The following FAF1 variants were observed in gnomAD, a reference collection of about 807,000 sequenced individuals.
The protein encoded by FAF1 is Fas associated factor 1, also known as FAS-associated factor 1.
A neutral mutation model predicts 92.5 loss-of-function variants in FAF1; 25 were observed. The observed-to-expected ratio is 0.27, with a 90% confidence interval of 0.20 to 0.38. The LOEUF (loss-of-function observed/expected upper bound fraction) is 0.38, where lower values mean the gene tolerates loss of function less well. FAF1 is among the 10% of genes least tolerant of loss of function. FAF1 has a pLI of 1.00. For missense variants in FAF1, 636 were observed against 793.3 expected, an observed-to-expected ratio of 0.80 and a Z score of 2.38; for synonymous variants, 234 against 273.2, an observed-to-expected ratio of 0.86 and a Z score of 1.42.
intron 15 of FAF1, among the ~76,000 whole-genome samples, chr1:50,503,606 C>A (rs1647018544): frequency 6.7e-6 from 1 of 150,066 alleles, no homozygotes; most frequent in Non-Finnish European, 1.5e-5. Context: ...CAGAGTGATT[C>A]CCTGTCTCTT....
intron 13 of FAF1, among the ~76,000 whole-genome samples, chr1:50,566,334 A>C (rs1281212554): frequency 2.0e-5 from 3 of 152,080 alleles, no homozygotes; most frequent in Non-Finnish European, 2.9e-5. Context: ...GAATTAATTT[A>C]ATCTCCCTGT....
At chr1:50,762,633 C>A (rs1660374558) in intron 4 of FAF1, among the ~76,000 whole-genome samples, 1 of 152,148 alleles carries the variant, frequency 6.6e-6, no homozygotes, top group Non-Finnish European at 1.5e-5. Context: ...AACTGGCTAG[C>A]CATATGTAGA....
chr1:50,940,258 A>T (rs1570165500), intron 1 of FAF1, among the ~76,000 whole-genome samples: 4 of 152,064 alleles, frequency 2.6e-5, no homozygotes, highest in Non-Finnish European at 5.9e-5. Context: ...TACCAGATTT[A>T]AAAAAAAGTT....
intron 7 of FAF1, among the ~76,000 whole-genome samples, chr1:50,671,086 T>C (rs187924518): frequency 6.6e-5 from 10 of 152,222 alleles, no homozygotes; most frequent in Admixed American, 5.9e-4. Context: ...AATCATCAAA[T>C]AGTCTAAACA....
At chr1:50,524,077 T>C (rs1647657761) in intron 15 of FAF1, among the ~76,000 whole-genome samples, 1 of 152,152 alleles carries the variant, frequency 6.6e-6, no homozygotes, top group Non-Finnish European at 1.5e-5. Flanking sequence ...GACTTTTTAA[T>C]AATAGCCCTT....
At chr1:50,952,949 G>C (rs542361030) in intron 1 of FAF1, among the ~76,000 whole-genome samples, 7 of 152,342 alleles carry the variant, frequency 4.6e-5, no homozygotes, top group African/African-American at 1.4e-4. Context: ...TTGTCGAATA[G>C]AAAAGGGGGA....
chr1:50,729,051 TATA>T (rs1487179447), intron 6 of FAF1, among the ~76,000 whole-genome samples: 14 of 97,870 alleles, frequency 1.4e-4, no homozygotes, highest in African/African-American at 5.5e-4. Context: ...TATATATATA[TATA>T]TATATTTTTT....
chr1:50,945,092 C>G (rs1299515033), intron 1 of FAF1, among the ~76,000 whole-genome samples: 1 of 152,272 alleles, frequency 6.6e-6, no homozygotes, highest in African/African-American at 2.4e-5. Flanking sequence ...TATCCACATA[C>G]CAGATGCCTA....
chr1:50,639,933 C>CAAAAAAAAAA (rs1197342810), intron 8 of FAF1, among the ~76,000 whole-genome samples: 7 of 70,158 alleles, frequency 1.0e-4, no homozygotes, highest in African/African-American at 2.8e-4. Flanking sequence ...GACTCGATCT[C>CAAAAAAAAAA]AAAAAAAAAA....
chr1:50,553,069 G>A (rs1035960920), intron 13 of FAF1, among the ~76,000 whole-genome samples: 2 of 152,114 alleles, frequency 1.3e-5, no homozygotes, highest in Non-Finnish European at 1.5e-5. Context: ...AAATTACAAC[G>A]ATGAACCTCA....
intron 4 of FAF1, among the ~76,000 whole-genome samples, chr1:50,763,034 C>T (rs1248504982): frequency 6.6e-6 from 1 of 152,074 alleles, no homozygotes; most frequent in Non-Finnish European, 1.5e-5. Flanking sequence ...GGCAGGTGAT[C>T]ACCTGAGGTC....
At chr1:50,526,018 T>C (rs967875158) in intron 15 of FAF1, among the ~76,000 whole-genome samples, 2 of 152,208 alleles carry the variant, frequency 1.3e-5, no homozygotes, top group African/African-American at 2.4e-5. Flanking sequence ...AACTTTTAGA[T>C]AATAAAAATG....
At chr1:50,708,001 G>A (rs970997099) in intron 6 of FAF1, among the ~76,000 whole-genome samples, 4 of 152,182 alleles carry the variant, frequency 2.6e-5, no homozygotes, top group African/African-American at 9.7e-5. Context: ...GTAGAGATGA[G>A]GTTTCACTAT....
chr1:50,550,688 A>G (rs1219827960), intron 13 of FAF1, among the ~76,000 whole-genome samples: 1 of 152,238 alleles, frequency 6.6e-6, no homozygotes, highest in Non-Finnish European at 1.5e-5. Context: ...AAAAGATTAA[A>G]TACAAAGCCC....
intron 2 of FAF1, among the ~76,000 whole-genome samples, chr1:50,825,073 T>C (rs929559188): frequency 3.9e-5 from 6 of 152,088 alleles, no homozygotes; most frequent in African/African-American, 1.4e-4. Flanking sequence ...AATAATTTAG[T>C]GTGTATTTCA....
At chr1:50,714,354 A>G (rs917050514) in intron 6 of FAF1, among the ~76,000 whole-genome samples, 23 of 151,460 alleles carry the variant, frequency 1.5e-4, no homozygotes, top group Admixed American at 1.5e-3. Flanking sequence ...AATTAAAAAA[A>G]AAAAAAAAAT....
At chr1:50,812,039 C>G (rs1643921013) in intron 2 of FAF1, among the ~76,000 whole-genome samples, 1 of 152,130 alleles carries the variant, frequency 6.6e-6, no homozygotes, top group Non-Finnish European at 1.5e-5. Flanking sequence ...GGGCCCCTTC[C>G]ATACAGCATA....
chr1:50,829,619 C>G (rs1039979542), intron 2 of FAF1, among the ~76,000 whole-genome samples: 1 of 152,194 alleles, frequency 6.6e-6, no homozygotes, highest in Non-Finnish European at 1.5e-5. Context: ...AGGTAACACC[C>G]CTTCCCAAAA....
intron 15 of FAF1, among the ~76,000 whole-genome samples, chr1:50,527,554 T>G (rs1647878985): frequency 6.6e-6 from 1 of 152,180 alleles, no homozygotes; most frequent in Non-Finnish European, 1.5e-5. Context: ...AGTGAAAAAC[T>G]TCTGTAATAT....
Sources: gnomAD v4.1 joint callset for allele counts (sites outside exome capture counted in the v4.1 genomes callset) on GRCh38, gnomAD v4.1.1 for gene constraint, MANE v1.5 for transcripts, NCBI Gene and HGNC (gene_info 2026-07-23, HGNC 2026-07-21) for gene names.